SAMD9L: variants seen among roughly 807,000 people sequenced by gnomAD.
SAMD9L encodes the protein sterile alpha motif domain containing 9 like, also known as sterile alpha motif domain-containing protein 9-like.
SAMD9L carries 68 observed loss-of-function variants against 90.7 expected under a neutral mutation model. That is an observed-to-expected ratio of 0.75 (90% CI 0.62 to 0.92). SAMD9L has a LOEUF of 0.92. SAMD9L is among the 40% of genes least tolerant of loss of function. The pLI is 0.00. For synonymous variants in SAMD9L, 640 were observed against 630.1 expected, an observed-to-expected ratio of 1.02 and a Z score of -0.23; for missense variants, 1,604 against 1,824.3, an observed-to-expected ratio of 0.88 and a Z score of 2.20.
chr7:93,131,977 A>T lies in SAMD9L; in HGVS notation c.3995T>A (p.Leu1332Gln), dbSNP rs1792128198. The change falls in exon 5 of 5, where the codon CTA becomes CAA. Residue 1332 changes from leucine (L) to glutamine (Q), a missense_variant. Physicochemically the swap from Leu to Gln is moderately radical, Grantham distance 113 (BLOSUM62 -2). Around this residue, in one of 7 missense-constraint regions of SAMD9L, gnomAD observed 282 missense variants for 329.6 expected, o/e 0.86. Transcript: ENST00000318238. ...AAACCTATCTGCTCTCAGAGCTTCT[A>T]GCTTTTTCCTGCAATTCTCCTCCTG... Reference protein sequence around the residue: ...LLQEENCRKKLEALRADRFAG... With the variant: ...LLQEENCRKKQEALRADRFAG... 6.2e-7 allele frequency: 1 copy of T among 1,611,912 alleles called. No individual in the cohort carries two copies. Among genetic ancestry groups the T allele is most frequent in the Non-Finnish European group, 8.5e-7 (1 of 1,179,422 alleles).
In SAMD9L at chr7:93,134,721, G is replaced by A. The variant is rs112093536; in HGVS notation, c.1251C>T (p.Tyr417=). 6.2e-7 allele frequency: 1 copy of A among 1,613,480 alleles called. No individual in the cohort carries two copies. The highest frequency in any genetic ancestry group is 8.5e-7 in the Non-Finnish European group (1 of 1,179,912). Residue 417 remains tyrosine, a synonymous_variant, in exon 5 of 5, where the codon TAC becomes TAT. Transcript: ENST00000318238. The part of the protein sequence containing the change: ...DSLDNSYYDW[Y]ILVTNKCHPN... ...GATGGCATTTATTTGTTACAAGAAT[G>A]TACCAGTCATAGTATGAATTATCCA...
chr7:93,132,948 T>C lies in SAMD9L; in HGVS notation c.3024A>G (p.Lys1008=). ...KELERSYHLD[K]CQIALNILEE... ...CTAATATATTCAATGCAATTTGACA[T>C]TTATCCAAGTGATAGCTTCTTTCCA... The change falls in exon 5 of 5, where the codon AAA becomes AAG. Residue 1008 remains lysine (K), a synonymous_variant. Coordinates refer to ENST00000318238, the MANE Select transcript of SAMD9L (RefSeq NM_152703.5). 1 of 1,613,516 alleles carries C rather than the reference T, an allele frequency of 6.2e-7. No individual in the cohort carries two copies. The highest frequency in any genetic ancestry group is 1.1e-5 in the South Asian group (1 of 91,058).
intron 4 of SAMD9L, among the ~76,000 whole-genome samples, chr7:93,142,201 T>C (rs1792719534): frequency 6.6e-6 from 1 of 152,216 alleles, no homozygotes; most frequent in Non-Finnish European, 1.5e-5. Flanking sequence ...CTGCTTCAAG[T>C]TTTCACTTTA....
At position 93,145,399 on chromosome 7, in the gene SAMD9L, A is replaced by T. The variant is rs557603134; in HGVS notation, c.-137T>A. The T allele has an allele frequency of 1.3e-5, 2 of 152,336 alleles. No homozygotes were observed. The highest frequency in any genetic ancestry group is 4.8e-5 in the African/African-American group (2 of 41,582). 9.4% of individuals were successfully genotyped at this position (152,336 alleles called of 1,614,324 possible). ...TAGAAACTTACCAGGGCTTTTCTGA[A>T]AACTTCTATCTTTATATTAGAAACA... is the stretch of plus-strand genomic sequence containing the variant. On this transcript the variant is annotated 5_prime_UTR_variant, in exon 3 of 5. Transcript: ENST00000318238.
Position 93,132,677 on chromosome 7 carries a change from A to G in SAMD9L, c.3295T>C (p.Phe1099Leu), listed in dbSNP as rs1792183803. ...ARHFYIKEKD[F>L]NTALDWARQA... ...CGTGCCCAGTCCAGAGCTGTGTTAA[A>G]GTCCTTCTCTTTAATGTAGAAATGT... is the stretch of plus-strand genomic sequence containing the variant. Residue 1099 changes from phenylalanine (F) to leucine (L), a missense_variant, in exon 5 of 5, where the codon TTT (phenylalanine) becomes CTT (leucine). Transcript: ENST00000318238. 1 of 1,613,776 alleles carries G rather than the reference A, an allele frequency of 6.2e-7. No individual in the cohort carries two copies. The highest frequency in any genetic ancestry group is 8.5e-7 in the Non-Finnish European group (1 of 1,179,838).
At chr7:93,140,533 A>G (rs1198096926) in intron 4 of SAMD9L, among the ~76,000 whole-genome samples, 3 of 152,276 alleles carry the variant, frequency 2.0e-5, no homozygotes, top group African/African-American at 7.2e-5. Flanking sequence ...TTATTCTCCT[A>G]AACAATCATT....
Position 93,131,408 on chromosome 7 carries a change from G to A in SAMD9L, c.4564C>T (p.Leu1522=). 3.7e-6 allele frequency: 6 copies of A among 1,613,692 alleles called. No individual in the cohort carries two copies. Among genetic ancestry groups the A allele is most frequent in the Non-Finnish European group, 5.1e-6 (6 of 1,179,822 alleles). ...VWKKNEVKDL[L]RRLTGQAEGK... ...TCAGCCTGACCAGTTAGACGACGCAGGAGGTCTTTGACTTCATTTTTTTTC... is the reference window on the plus strand; with the variant it reads ...TCAGCCTGACCAGTTAGACGACGCAAGAGGTCTTTGACTTCATTTTTTTTC... The change falls in exon 5 of 5, where the codon CTG becomes TTG. Residue 1522 remains leucine (L), a synonymous_variant. Coordinates refer to ENST00000318238, the MANE Select transcript of SAMD9L (RefSeq NM_152703.5).
intron 4 of SAMD9L, among the ~76,000 whole-genome samples, chr7:93,142,897 C>T (rs1169423435): frequency 1.3e-5 from 2 of 152,220 alleles, no homozygotes; most frequent in Non-Finnish European, 2.9e-5. Flanking sequence ...ACCCCAAATA[C>T]TATAAGGAAG....
rs372080191 is a variant in SAMD9L at position 93,133,720 on chromosome 7, G to A, written c.2252C>T (p.Ala751Val). Reference protein sequence around the residue: ...HHPGCGGTTLAMHVLWDLKKN... With the variant: ...HHPGCGGTTLVMHVLWDLKKN... ...CTTTAAGTCCCAGAGAACATGCATA[G>A]CCAGTGTGGTACCTCCACAGCCTGG... Residue 751 changes from alanine (A) to valine (V), a missense_variant, in exon 5 of 5, where the codon GCT becomes GTT. Around this residue, in one of 7 missense-constraint regions of SAMD9L, gnomAD observed 606 missense variants for 717.6 expected, o/e 0.84. Transcript: ENST00000318238. The A allele has an allele frequency of 6.2e-7, 1 of 1,613,568 alleles. No homozygotes were observed. The highest frequency in any genetic ancestry group is 1.7e-5 in the Admixed American group (1 of 59,976).
Position 93,131,391 on chromosome 7 carries a change from A to G in SAMD9L, c.4581T>C (p.Gly1527=), listed in dbSNP as rs777529354. 6.2e-7 allele frequency: 1 copy of G among 1,613,636 alleles called. No homozygotes were observed. Among genetic ancestry groups the G allele is most frequent in the Non-Finnish European group, 8.5e-7 (1 of 1,179,834 alleles). Residue 1527 remains glycine, a synonymous_variant, in exon 5 of 5, where the codon GGT becomes GGC. Coordinates refer to ENST00000318238, the MANE Select transcript of SAMD9L (RefSeq NM_152703.5). ...EVKDLLRRLT[G]QAEGKLISVE... is the part of the protein sequence containing the mutation. ...CAGAGATTAGCTTGCCTTCAGCCTG[A>G]CCAGTTAGACGACGCAGGAGGTCTT...
chr7:93,136,671 A>G (rs1223393175), intron 4 of SAMD9L, among the ~76,000 whole-genome samples: 1 of 152,210 alleles, frequency 6.6e-6, no homozygotes, highest in Non-Finnish European at 1.5e-5. Flanking sequence ...AGCCATTTTC[A>G]CCTAAATTAT....
intron 4 of SAMD9L, among the ~76,000 whole-genome samples, chr7:93,136,441 T>C (rs1299321205): frequency 1.3e-5 from 2 of 152,232 alleles, no homozygotes; most frequent in Admixed American, 1.3e-4. Context: ...TGTTACATAG[T>C]AACAGAGCAG....
Position 93,131,736 on chromosome 7 carries a change from C to A in SAMD9L, c.4236G>T (p.Glu1412Asp). ...GACTTAGTCCTACAAATTGCAAGAC[C>A]TCTCGGAGTTGTTTTTTTAGCGTGG... The part of the protein sequence containing the change: ...PLTTLKKQLR[E>D]VLQFVGLSHQ... The change falls in exon 5 of 5, where the codon GAG (glutamate) becomes GAT (aspartate). Residue 1412 changes from glutamate to aspartate, a missense_variant. Physicochemically the swap from Glu to Asp is conservative, Grantham distance 45. Around this residue, in one of 7 missense-constraint regions of SAMD9L, gnomAD observed 282 missense variants for 329.6 expected, o/e 0.86. Transcript: ENST00000318238. The A allele has an allele frequency of 6.2e-7, 1 of 1,613,834 alleles. No individual in the cohort carries two copies. Among genetic ancestry groups the A allele is most frequent in the Non-Finnish European group, 8.5e-7 (1 of 1,179,842 alleles).
At chr7:93,138,042 G>A (rs933900747) in intron 4 of SAMD9L, among the ~76,000 whole-genome samples, 2 of 152,088 alleles carry the variant, frequency 1.3e-5, no homozygotes, top group Non-Finnish European at 2.9e-5. Flanking sequence ...ACTGTTCCTG[G>A]TTGTCTTAGT....
chr7:93,132,441 G>A lies in SAMD9L; in HGVS notation c.3531C>T (p.Thr1177=), dbSNP rs186408432. 2.2e-5 allele frequency: 35 copies of A among 1,613,546 alleles called. No homozygotes were observed. The Admixed American group carries it at 2.5e-4, about 12-fold the overall frequency. ...QRQTDSKNYE[T]ENWSPQKSQR... ...GGGACTTCTGTGGTGACCAGTTCTC[G>A]GTTTCATAGTTTTTACTATCAGTTT... is the stretch of plus-strand genomic sequence containing the variant. The change falls in exon 5 of 5, where the codon ACC becomes ACT. Residue 1177 remains threonine, a synonymous_variant. Coordinates refer to ENST00000318238, the MANE Select transcript of SAMD9L (RefSeq NM_152703.5).
chr7:93,139,229 G>A (rs577991675), intron 4 of SAMD9L, among the ~76,000 whole-genome samples: 3 of 152,154 alleles, frequency 2.0e-5, no homozygotes, highest in Middle Eastern at 3.4e-3. Context: ...TCACCCGATC[G>A]ACTTTTATCT....
In SAMD9L at chr7:93,132,111, A is replaced by G. The variant is rs1792138877; in HGVS notation, c.3861T>C (p.Ile1287=). Residue 1287 remains isoleucine, a synonymous_variant, in exon 5 of 5, where the codon ATT becomes ATC. Transcript: ENST00000318238. The part of the protein sequence containing the change: ...LLKMRYTQKE[I]AEIMLSKKVS... ...CTTTCTTGCTTAACATGATTTCTGC[A>G]ATTTCTTTTTGGGTATACCTCATTT... is the stretch of plus-strand genomic sequence containing the variant. 6.2e-7 allele frequency: 1 copy of G among 1,613,436 alleles called. No homozygotes were observed. The highest frequency in any genetic ancestry group is 2.2e-5 in the East Asian group (1 of 44,870).
At position 93,135,396 on chromosome 7, in the gene SAMD9L, G is replaced by A; in HGVS notation, c.576C>T (p.Leu192=). ...CTTTGAACTCATGTATTGGATCAAT[G>A]AGATTGAGTGCTCCTGTTTCAGGTT... ...TLQPETGALN[L]IDPIHEFKAL... The change falls in exon 5 of 5, where the codon CTC becomes CTT. Residue 192 remains leucine (L), a synonymous_variant. Transcript: ENST00000318238. The A allele has an allele frequency of 1.2e-6, 2 of 1,614,130 alleles. No individual in the cohort carries two copies. Among genetic ancestry groups the A allele is most frequent in the Non-Finnish European group, 1.7e-6 (2 of 1,179,972 alleles).
chr7:93,135,493 T>C lies in SAMD9L; in HGVS notation c.479A>G (p.Gln160Arg), dbSNP rs751863488. Reference sequence around the variant, plus strand: ...AAAAGGATATGGCATACAAGTCAATTGTTCAGGTTTTAGCTTACCCTTTTT... The same window carrying C: ...AAAAGGATATGGCATACAAGTCAATCGTTCAGGTTTTAGCTTACCCTTTTT... ...HKKKGKLKPE[Q>R]LTCMPYPFDQ... is the part of the protein sequence containing the mutation. Residue 160 changes from glutamine (Q) to arginine (R), a missense_variant, in exon 5 of 5, where the codon CAA becomes CGA. Transcript: ENST00000318238. The C allele has an allele frequency of 1.1e-5, 18 of 1,614,070 alleles. No homozygotes were observed. The African/African-American group carries it at 2.4e-4, about 22-fold the overall frequency.
Sources: gnomAD v4.1 joint callset for allele counts (sites outside exome capture counted in the v4.1 genomes callset) on GRCh38, gnomAD v4.1.1 for gene constraint, gnomAD v4.1.1 regional missense constraint, MANE v1.5 for transcripts, NCBI Gene and HGNC (gene_info 2026-07-23, HGNC 2026-07-21) for gene names.